CACNA1A: variants seen among roughly 807,000 people sequenced by gnomAD.
The protein encoded by CACNA1A is calcium voltage-gated channel subunit alpha1 A, also known as voltage-dependent P/Q-type calcium channel subunit alpha-1A.
A neutral mutation model predicts 262.4 loss-of-function variants in CACNA1A; 57 were observed. That is an observed-to-expected ratio of 0.22 (90% CI 0.18 to 0.27). The LOEUF (loss-of-function observed/expected upper bound fraction) is 0.27. Ranked by LOEUF, CACNA1A falls within the 10% of genes least tolerant of loss-of-function variation. The pLI is 1.00. For missense variants in CACNA1A, 2,526 were observed against 3,562.8 expected, an observed-to-expected ratio of 0.71 and a Z score of 7.41; for synonymous variants, 1,431 against 1,419.3, an observed-to-expected ratio of 1.01 and a Z score of -0.18.
At position 13,212,027 on chromosome 19, in the gene CACNA1A, C is replaced by CA; in HGVS notation, c.6303+75_6303+76insT. On this transcript the variant is annotated intron_variant, in intron 43 of 46. Coordinates refer to ENST00000360228, the MANE Select transcript of CACNA1A (RefSeq NM_001127222.2). This position sits in a 1 kb window ranked among gnomAD's most constrained non-coding sequence, Gnocchi z 5.6. ...TCCGGCAGGGAGGGGATGCACTGGG[C>CA]TGCTTGTGGGGGGGCCTGGCCCTAC... The CA allele has an allele frequency of 9.4e-7, 1 of 1,058,472 alleles. No individual in the cohort carries two copies. The highest frequency in any genetic ancestry group is 1.4e-6 in the Non-Finnish European group (1 of 703,594). 65.6% of individuals were successfully genotyped at this position (1,058,472 alleles called of 1,614,324 possible).
At chr19:13,268,636 G>A (rs1203345730) in intron 24 of CACNA1A, among the ~76,000 whole-genome samples, 1 of 151,832 alleles carries the variant, frequency 6.6e-6, no homozygotes. Context: ...GGGTTTCACC[G>A]TGTTAGCCAG....
At chr19:13,278,991 G>A (rs148734989) in intron 22 of CACNA1A, among the ~76,000 whole-genome samples, 1,913 of 152,174 alleles carry the variant, frequency 0.013, 45 homozygotes, top group African/African-American at 0.043. Context: ...GCACAGCCTG[G>A]TCAAAGGCCT....
At chr19:13,376,540 AAT>A (rs1039747869) in intron 3 of CACNA1A, among the ~76,000 whole-genome samples, 2 of 149,996 alleles carry the variant, frequency 1.3e-5, no homozygotes, top group African/African-American at 2.4e-5. Context: ...CTCAGAAAAA[AAT>A]ATATATATAA....
chr19:13,419,966 C>G (rs57064403), intron 3 of CACNA1A, among the ~76,000 whole-genome samples: 6,487 of 151,710 alleles, frequency 0.043, 465 homozygotes, highest in African/African-American at 0.15. Context: ...GACACCTGTA[C>G]TCCTAGCCAC....
intron 3 of CACNA1A, among the ~76,000 whole-genome samples, chr19:13,416,965 A>G (rs2060233420): frequency 6.6e-6 from 1 of 152,238 alleles, no homozygotes; most frequent in South Asian, 2.1e-4. Flanking sequence ...AAACCAATTT[A>G]ATATCCACAT....
intron 1 of CACNA1A, among the ~76,000 whole-genome samples, chr19:13,457,222 AGCC>A (rs1162299336): frequency 2.6e-5 from 4 of 152,134 alleles, no homozygotes; most frequent in African/African-American, 4.8e-5. Context: ...ACTGCACTCC[AGCC>A]TGGGCAATGG....
chr19:13,368,838 A>T (rs985004574), intron 4 of CACNA1A, among the ~76,000 whole-genome samples: 1 of 131,310 alleles, frequency 7.6e-6, no homozygotes, highest in Non-Finnish European at 1.5e-5. Context: ...GGAGATCGAG[A>T]CCATCCTGGC....
chr19:13,488,349 G>T (rs56659398), intron 1 of CACNA1A, among the ~76,000 whole-genome samples: 8 of 151,108 alleles, frequency 5.3e-5, no homozygotes, highest in African/African-American at 2.0e-4. Context: ...CAGCATCTGT[G>T]GGGGTGGAGC....
At chr19:13,316,329 T>C (rs535633111) in intron 11 of CACNA1A, 6 of 152,330 alleles carry the variant, frequency 3.9e-5, no homozygotes, top group African/African-American at 9.6e-5. Context: ...CCCCATCTTT[T>C]GCTGCTTTTC....
At chr19:13,498,215 G>A (rs1215674840) in intron 1 of CACNA1A, among the ~76,000 whole-genome samples, 1 of 151,926 alleles carries the variant, frequency 6.6e-6, no homozygotes, top group Non-Finnish European at 1.5e-5. Flanking sequence ...ACACCACTGC[G>A]GGCCAAGTTT....
In CACNA1A at chr19:13,504,753, C is replaced by T. The variant is rs146349510; in HGVS notation, c.293+1179G>A. On this transcript the variant is annotated intron_variant, in intron 1 of 46. Transcript: ENST00000360228. ...GCCAGCCTGGGCAGCAGGGTGTGTC[C>T]CCCCTCCTGGAATCTGGGTCATGCT... Among the ~76,000 whole-genome samples the T allele has an allele frequency of 6.8e-3, 1,036 of 152,236 alleles. 10 individuals carry two copies. Among genetic ancestry groups the T allele is most frequent in the South Asian group, 0.031 (149 of 4,806 alleles).
At chr19:13,462,446 C>T (rs2061141580) in intron 1 of CACNA1A, among the ~76,000 whole-genome samples, 1 of 152,154 alleles carries the variant, frequency 6.6e-6, no homozygotes, top group Non-Finnish European at 1.5e-5. Flanking sequence ...AAGACATATT[C>T]CTTGGTCCAT....
At chr19:13,329,700 C>T (rs779781814) in intron 10 of CACNA1A, among the ~76,000 whole-genome samples, 7 of 151,214 alleles carry the variant, frequency 4.6e-5, no homozygotes, top group Non-Finnish European at 8.8e-5. Flanking sequence ...CTCGAACTCC[C>T]GACATCAGGT....
intron 3 of CACNA1A, among the ~76,000 whole-genome samples, chr19:13,390,836 GA>G (rs138774667): frequency 0.08 from 12,231 of 152,150 alleles, 526 homozygotes; most frequent in Middle Eastern, 0.13. Flanking sequence ...GGATTCACAG[GA>G]AATGGGACAA....
intron 1 of CACNA1A, among the ~76,000 whole-genome samples, chr19:13,477,604 T>C: frequency 6.6e-6 from 1 of 152,200 alleles, no homozygotes. Flanking sequence ...CTTATTATTA[T>C]TCACACAGCA....
chr19:13,478,177 C>A (rs1314676666), intron 1 of CACNA1A, among the ~76,000 whole-genome samples: 1 of 152,126 alleles, frequency 6.6e-6, no homozygotes, highest in East Asian at 1.9e-4. Flanking sequence ...TGCCACCCGC[C>A]CCCACAAAAT....
At chr19:13,412,708 C>T (rs1209429818) in intron 3 of CACNA1A, among the ~76,000 whole-genome samples, 1 of 152,098 alleles carries the variant, frequency 6.6e-6, no homozygotes, top group Admixed American at 6.5e-5. Context: ...AACGCCCAAC[C>T]TCAGGTGATC....
chr19:13,465,704 G>T (rs913034479), intron 1 of CACNA1A, among the ~76,000 whole-genome samples: 10 of 152,014 alleles, frequency 6.6e-5, no homozygotes, highest in African/African-American at 2.4e-4. Flanking sequence ...ACCCAGGGTG[G>T]TCTTGAACAC....
At position 13,255,270 on chromosome 19, in the gene CACNA1A, G is replaced by C. The variant is rs565907405; in HGVS notation, c.4591-11C>G. 1 of 1,581,578 alleles carries C rather than the reference G, an allele frequency of 6.3e-7. No individual in the cohort carries two copies. The highest frequency in any genetic ancestry group is 2.3e-5 in the East Asian group (1 of 44,062). On this transcript the variant is annotated splice_polypyrimidine_tract_variant and intron_variant, in intron 28 of 46. Coordinates refer to ENST00000360228, the MANE Select transcript of CACNA1A (RefSeq NM_001127222.2). ...ATCAATGCAGGCCCTCTGCGGGAGA[G>C]AGGCCAGTGGTGAGAGCGGCAGAGG...
Sources: allele counts gnomAD v4.1 joint callset (sites outside exome capture counted in the v4.1 genomes callset), GRCh38; gene constraint gnomAD v4.1.1; non-coding constraint Gnocchi (gnomAD v3.1); transcripts MANE v1.5; gene names NCBI Gene and HGNC (gene_info 2026-07-23, HGNC 2026-07-21).